Variants in PTK2 observed in about 807,000 individuals in gnomAD.
PTK2 encodes the protein protein tyrosine kinase 2.
In PTK2, 45 loss-of-function variants were observed where a neutral mutation model predicts 150.1. That is an observed-to-expected ratio of 0.30 (90% CI 0.24 to 0.38). The LOEUF is 0.38. PTK2 is among the 10% of genes least tolerant of loss of function. The pLI is 1.00. For synonymous variants in PTK2, 432 were observed against 449.2 expected (o/e 0.96, Z 0.48); for missense variants, 919 against 1,307.3 (o/e 0.70, Z 4.58).
chr8:140,833,545 T>A (rs1388294853), intron 7 of PTK2, among the ~76,000 whole-genome samples: 1 of 152,102 alleles, frequency 6.6e-6, no homozygotes, highest in East Asian at 1.9e-4. Flanking sequence ...TAATATGAGG[T>A]CGCCTCTCTC....
chr8:140,682,208 C>T (rs1344141105), intron 27 of PTK2, among the ~76,000 whole-genome samples: 1 of 152,038 alleles, frequency 6.6e-6, no homozygotes, highest in African/African-American at 2.4e-5. Flanking sequence ...ATTGTGAAAC[C>T]CTGTCTTTAC....
At chr8:140,755,738 C>T (rs928957661) in intron 16 of PTK2, among the ~76,000 whole-genome samples, 4 of 152,112 alleles carry the variant, frequency 2.6e-5, no homozygotes, top group Non-Finnish European at 5.9e-5. Context: ...CACCTAGAAA[C>T]AGTAGCTGTC....
At chr8:140,846,367 G>A (rs2100125483) in intron 6 of PTK2, 45 bp from the exon 7 acceptor site, 2 of 1,571,106 alleles carry the variant, frequency 1.3e-6, no homozygotes, top group Middle Eastern at 1.7e-4. Flanking sequence ...TATAAGGAAT[G>A]TTTGTGTTGT....
rs2100165155 is a variant in PTK2 at position 140,916,070 on chromosome 8, A to T, written c.-33+9591T>A. On this transcript the variant is annotated intron_variant, in intron 2 of 31. Coordinates refer to ENST00000522684, the Ensembl canonical transcript of PTK2. Reference sequence around the variant, plus strand: ...GAAAAAGTTTAATACCCACTGCCTTATGTTTGTGGATGAGTTGATGTTACT... The same window carrying T: ...GAAAAAGTTTAATACCCACTGCCTTTTGTTTGTGGATGAGTTGATGTTACT... Among the ~76,000 whole-genome samples the T allele has an allele frequency of 2.0e-5, 3 of 152,226 alleles. 1 individual carries two copies. In the South Asian group the frequency reaches 6.2e-4, roughly 31 times the overall value.
At chr8:140,936,833 C>A (rs1019168446) in intron 1 of PTK2, among the ~76,000 whole-genome samples, 1 of 151,516 alleles carries the variant, frequency 6.6e-6, no homozygotes, top group Admixed American at 6.6e-5. Context: ...CTCATCAGTC[C>A]AATAGGACAA....
intron 3 of PTK2, among the ~76,000 whole-genome samples, chr8:140,882,600 ATTCTT>A (rs1472612298): frequency 5.3e-5 from 8 of 152,330 alleles, no homozygotes; most frequent in Middle Eastern, 3.4e-3. Flanking sequence ...TGGTAAAAGA[ATTCTT>A]TTCAAGGTTA....
chr8:140,840,105 C>CTGGAGTGCAG (rs2100121413), intron 7 of PTK2, among the ~76,000 whole-genome samples: 2 of 152,182 alleles, frequency 1.3e-5, no homozygotes, highest in South Asian at 4.1e-4. Flanking sequence ...GTTGCCCAGG[C>CTGGAGTGCAG]TGGAGTGCAG....
intron 23 of PTK2, among the ~76,000 whole-genome samples, chr8:140,711,194 C>T (rs763028121): frequency 6.6e-6 from 1 of 152,226 alleles, no homozygotes; most frequent in Non-Finnish European, 1.5e-5. Flanking sequence ...GCAACCTCTG[C>T]CTCCTGAGTT....
intron 7 of PTK2, among the ~76,000 whole-genome samples, chr8:140,835,250 T>G (rs559621916): frequency 6.6e-6 from 1 of 152,230 alleles, no homozygotes; most frequent in Non-Finnish European, 1.5e-5. Flanking sequence ...CTAAGCTTAT[T>G]ATAAGCACAT....
intron 1 of PTK2, among the ~76,000 whole-genome samples, chr8:140,948,423 ATCTT>A (rs1313173353): frequency 3.3e-5 from 5 of 152,208 alleles, no homozygotes; most frequent in African/African-American, 9.7e-5. Context: ...GGGCAATACT[ATCTT>A]TATCTTAAAA....
chr8:140,690,296 G>C (rs562534856), intron 26 of PTK2, among the ~76,000 whole-genome samples: 1 of 152,098 alleles, frequency 6.6e-6, no homozygotes, highest in African/African-American at 2.4e-5. Context: ...CTGCCGCCCA[G>C]GTCAGAGTGC....
intron 2 of PTK2, among the ~76,000 whole-genome samples, chr8:140,901,649 CTT>C (rs556569172): frequency 8.8e-5 from 12 of 136,556 alleles, no homozygotes; most frequent in African/African-American, 1.4e-4. Context: ...AAGATCCTGT[CTT>C]TTTTTTTTTT....
In PTK2 at chr8:140,890,650, G is replaced by A. The variant is rs766185287; in HGVS notation, c.88C>T (p.Pro30Ser). ...TTTAATACTCGCTCCATTGCACCAG[G>A]AGAACGTTCCATACCAGTACCCAGG... The change falls in exon 3 of 32, where the codon CCT becomes TCT. Residue 30 changes from proline to serine, a missense_variant. Transcript: ENST00000522684. 10 of 1,613,948 alleles carry A rather than the reference G, an allele frequency of 6.2e-6. No homozygotes were observed. In the South Asian group the frequency reaches 7.7e-5, roughly 12 times the overall value.
intron 27 of PTK2, among the ~76,000 whole-genome samples, chr8:140,676,994 T>C (rs2100014310): frequency 6.6e-6 from 1 of 150,598 alleles, no homozygotes; most frequent in African/African-American, 2.4e-5. Flanking sequence ...ACACTATTTG[T>C]GTGATGGTTA....
At chr8:140,664,493 TA>T (rs1238656928) in intron 31 of PTK2, among the ~76,000 whole-genome samples, 1 of 152,220 alleles carries the variant, frequency 6.6e-6, no homozygotes, top group Non-Finnish European at 1.5e-5. Context: ...CAAGCTCAAC[TA>T]TTTTTAAGGA....
intron 3 of PTK2, among the ~76,000 whole-genome samples, chr8:140,887,789 AATC>A (rs1274558844): frequency 2.6e-5 from 4 of 152,220 alleles, no homozygotes; most frequent in Admixed American, 2.0e-4. Flanking sequence ...TTTAACATGT[AATC>A]ATAACACATT....
intron 31 of PTK2, chr8:140,663,023 G>A: frequency 2.7e-6 from 1 of 365,488 alleles, no homozygotes; most frequent in East Asian, 3.9e-5. Flanking sequence ...ACGGAAAAGT[G>A]CTACAGAGAC....
chr8:140,674,334 G>A (rs1249427453), exon 29 of PTK2: 3 of 1,608,238 alleles, frequency 1.9e-6, no homozygotes, highest in Non-Finnish European at 2.5e-6. Flanking sequence ...CAGGGCTGCT[G>A]AGGCTGGCAA....
intron 27 of PTK2, among the ~76,000 whole-genome samples, chr8:140,677,385 C>T (rs2100014552): frequency 6.6e-6 from 1 of 152,194 alleles, no homozygotes; most frequent in East Asian, 1.9e-4. Flanking sequence ...ACTTCTGTCC[C>T]AGGTACAGGA....
Sources: gnomAD v4.1 joint callset for allele counts (sites outside exome capture counted in the v4.1 genomes callset) on GRCh38, gnomAD v4.1.1 for gene constraint, MANE v1.5 for transcripts, NCBI Gene and HGNC (gene_info 2026-07-23, HGNC 2026-07-21) for gene names.